SCGN: variants seen among roughly 807,000 people sequenced by gnomAD.
The protein encoded by SCGN is secretagogin, EF-hand calcium binding protein, also known as secretagogin.
A neutral mutation model predicts 39.7 loss-of-function variants in SCGN; 30 were observed. The observed-to-expected ratio is 0.76, with a 90% confidence interval of 0.57 to 1.03. The LOEUF is 1.03. Among genes scored for constraint, SCGN ranks in the 50% least tolerant of loss-of-function variants. SCGN has a pLI of 0.00. For missense variants in SCGN, 353 were observed against 349.4 expected (o/e 1.01, Z -0.08); for synonymous variants, 106 against 114.1 (o/e 0.93, Z 0.45).
intron 2 of SCGN, 72 bp from the exon 3 acceptor site, chr6:25,661,480 G>T: frequency 9.7e-7 from 1 of 1,026,704 alleles, no homozygotes; most frequent in South Asian, 1.3e-5. Flanking sequence ...TGTATATTTT[G>T]AATATTTGCC....
chr6:25,693,884 G>A (rs2151383381), intron 10 of SCGN, among the ~76,000 whole-genome samples: 1 of 152,290 alleles, frequency 6.6e-6, no homozygotes, highest in East Asian at 1.9e-4. Flanking sequence ...GAGACCTTGG[G>A]CAAGTCATTT....
chr6:25,659,887 A>C (rs1760306442), intron 2 of SCGN, among the ~76,000 whole-genome samples: 1 of 152,168 alleles, frequency 6.6e-6, no homozygotes, highest in Non-Finnish European at 1.5e-5. Context: ...GTCAACTGAA[A>C]AGATGACAGC....
chr6:25,676,389 C>T (rs1289374526), intron 6 of SCGN, among the ~76,000 whole-genome samples: 1 of 152,218 alleles, frequency 6.6e-6, no homozygotes, highest in Non-Finnish European at 1.5e-5. Context: ...CAACTGCTCA[C>T]ACACCAAGTC....
At chr6:25,673,389 G>A (rs1759525161) in intron 6 of SCGN, among the ~76,000 whole-genome samples, 1 of 152,174 alleles carries the variant, frequency 6.6e-6, no homozygotes, top group African/African-American at 2.4e-5. Context: ...TCACACATCA[G>A]GCCAGCAGCC....
intron 10 of SCGN, among the ~76,000 whole-genome samples, chr6:25,699,249 G>A (rs1759876928): frequency 6.6e-6 from 1 of 152,088 alleles, no homozygotes; most frequent in African/African-American, 2.4e-5. Flanking sequence ...GTGAACAGAA[G>A]TTTTCTGAAA....
At chr6:25,657,678 T>A (rs1440031454) in intron 2 of SCGN, among the ~76,000 whole-genome samples, 1 of 149,028 alleles carries the variant, frequency 6.7e-6, no homozygotes, top group Non-Finnish European at 1.5e-5. Flanking sequence ...ATATATATAT[T>A]ACGTGTATAT....
intron 2 of SCGN, among the ~76,000 whole-genome samples, chr6:25,655,259 T>A (rs1273429262): frequency 6.6e-6 from 1 of 152,224 alleles, no homozygotes; most frequent in Admixed American, 6.5e-5. Flanking sequence ...CTTGTTCTAG[T>A]CATTTATAAA....
intron 6 of SCGN, among the ~76,000 whole-genome samples, chr6:25,673,086 C>T (rs1759521201): frequency 6.6e-6 from 1 of 152,096 alleles, no homozygotes; most frequent in Non-Finnish European, 1.5e-5. Flanking sequence ...CAGTTGTTAC[C>T]TAATAGCCAG....
Position 25,692,966 on chromosome 6 carries a change from G to C in SCGN, c.702+1842G>C, listed in dbSNP as rs75789487. 1.6e-4 allele frequency among the ~76,000 whole-genome samples: 25 copies of C among 152,166 alleles called. No homozygotes were observed. The East Asian group carries it at 4.8e-3, about 29-fold the overall frequency. On this transcript the variant is annotated intron_variant, in intron 10 of 10. Coordinates refer to ENST00000377961, the MANE Select transcript of SCGN (RefSeq NM_006998.4). ...GTGACAGATCTGAGCTTTAATTCCA[G>C]ATCAGCCATTTATGAACTGTATGTG...
intron 2 of SCGN, among the ~76,000 whole-genome samples, chr6:25,654,786 T>C (rs772757369): frequency 1.3e-5 from 2 of 152,134 alleles, no homozygotes; most frequent in Non-Finnish European, 2.9e-5. Flanking sequence ...CTGTACCTTT[T>C]ATTGCTCTTT....
intron 10 of SCGN, among the ~76,000 whole-genome samples, chr6:25,695,592 T>C (rs4464786): frequency 0.59 from 90,118 of 151,958 alleles, 27,339 homozygotes; most frequent in African/African-American, 0.69. Context: ...TGCAATGGCG[T>C]GATATTGGCT....
intron 7 of SCGN, among the ~76,000 whole-genome samples, chr6:25,683,092 T>A (rs1394662147): frequency 6.6e-6 from 1 of 152,166 alleles, no homozygotes; most frequent in Non-Finnish European, 1.5e-5. Flanking sequence ...CTACTTTTTT[T>A]AGGACCTTCG....
chr6:25,673,259 A>C (rs982758581), intron 6 of SCGN, among the ~76,000 whole-genome samples: 7 of 152,050 alleles, frequency 4.6e-5, no homozygotes, highest in Non-Finnish European at 1.0e-4. Context: ...GTACAGACCT[A>C]ATCTTCCCCA....
At position 25,659,203 on chromosome 6, in the gene SCGN, G is replaced by T. The variant is rs115656558; in HGVS notation, c.154-2349G>T. 1.9e-3 allele frequency among the ~76,000 whole-genome samples: 282 copies of T among 152,272 alleles called. 1 individual carries two copies. Among genetic ancestry groups the T allele is most frequent in the African/African-American group, 6.7e-3 (277 of 41,542 alleles). On this transcript the variant is annotated intron_variant, in intron 2 of 10. Transcript: ENST00000377961. ...AAGAATATGCTTTCAAACCTTCAGGGTCTTATAATATCTAAAGCTTGTGGT... is the reference window on the plus strand; with the variant it reads ...AAGAATATGCTTTCAAACCTTCAGGTTCTTATAATATCTAAAGCTTGTGGT...
intron 3 of SCGN, among the ~76,000 whole-genome samples, chr6:25,664,354 G>C (rs1190792972): frequency 1.3e-5 from 2 of 152,208 alleles, no homozygotes; most frequent in Admixed American, 6.5e-5. Context: ...GTGATTAAAA[G>C]TGTGGGCTTG....
intron 6 of SCGN, among the ~76,000 whole-genome samples, chr6:25,673,872 T>A (rs923388661): frequency 6.6e-6 from 1 of 152,198 alleles, no homozygotes; most frequent in African/African-American, 2.4e-5. Flanking sequence ...TGTACAAGCA[T>A]GGTGCTGGCA....
At chr6:25,689,425 C>T (rs759247341) in intron 8 of SCGN, 48 bp from the exon 9 acceptor site, 2 of 1,547,988 alleles carry the variant, frequency 1.3e-6, no homozygotes, top group Non-Finnish European at 1.8e-6. Context: ...AATTGTACAG[C>T]TGAATTGTCA....
chr6:25,687,850 AT>A (rs140861990), intron 7 of SCGN, among the ~76,000 whole-genome samples: 6,822 of 151,606 alleles, frequency 0.045, 247 homozygotes, highest in African/African-American at 0.1. Flanking sequence ...TTTGTTTTGC[AT>A]TTTTTTTGAG....
intron 10 of SCGN, among the ~76,000 whole-genome samples, chr6:25,695,611 C>A (rs1644649114): frequency 6.6e-6 from 1 of 152,120 alleles, no homozygotes; most frequent in African/African-American, 2.4e-5. Flanking sequence ...CTCACTGCAA[C>A]CTCCGCCTCC....
Sources: allele counts gnomAD v4.1 joint callset (sites outside exome capture counted in the v4.1 genomes callset), GRCh38; gene constraint gnomAD v4.1.1; transcripts MANE v1.5; gene names NCBI Gene and HGNC (gene_info 2026-07-23, HGNC 2026-07-21).